ATG16L1: variants seen among roughly 807,000 people sequenced by gnomAD.
ATG16L1 encodes autophagy-related protein 16-1.
ATG16L1 carries 37 observed loss-of-function variants against 88.5 expected under a neutral mutation model. The observed-to-expected ratio is 0.42, with a 90% CI of 0.32 to 0.55. The LOEUF (loss-of-function observed/expected upper bound fraction) is 0.55, where lower values mean the gene tolerates loss of function less well. Ranked by LOEUF, ATG16L1 falls within the 20% of genes least tolerant of loss-of-function variation. The probability of loss-of-function intolerance (pLI) is 0.13; values close to 1 mark genes in which losing one functional copy is unlikely to be tolerated. For synonymous variants in ATG16L1, 301 were observed against 281.0 expected (o/e 1.07, Z -0.71); for missense variants, 554 against 752.8 (o/e 0.74, Z 3.09).
At chr2:233,273,229 ATG>A in intron 7 of ATG16L1, 177 bp downstream of exon 7, 1 of 585,758 alleles carries the variant, frequency 1.7e-6, no homozygotes, top group Non-Finnish European at 3.1e-6. Context: ...CCTCTGCTTA[ATG>A]GGAGGGAAGC....
chr2:233,274,832 G>C, intron 9 of ATG16L1, 54 bp downstream of exon 9: 1 of 1,322,858 alleles, frequency 7.6e-7, no homozygotes. Flanking sequence ...GACAGAGCCT[G>C]GCAATTAAAG....
rs545131813 is a variant in ATG16L1 at position 233,255,096 on chromosome 2, C to T, written c.116-1006C>T. Among the ~76,000 whole-genome samples the T allele has an allele frequency of 3.3e-5, 5 of 152,274 alleles. No individual in the cohort carries two copies. In the East Asian group the frequency reaches 9.6e-4, roughly 29 times the overall value. ...TCAAGCGATTCTTGTGCCTCAGTCT[C>T]CCTAGTAGCTGGGACTGTGGGCAAG... On this transcript the variant is annotated intron_variant, in intron 1 of 17. Coordinates refer to ENST00000392017, the MANE Select transcript of ATG16L1 (RefSeq NM_030803.7).
chr2:233,290,460 C>T (rs961045103), intron 14 of ATG16L1, 107 bp downstream of exon 14: 47 of 877,058 alleles, frequency 5.4e-5, no homozygotes, highest in Non-Finnish European at 8.4e-5. Flanking sequence ...AAATGAGTTT[C>T]GGTACACGTA....
At chr2:233,259,364 C>T (rs907085648) in intron 2 of ATG16L1, among the ~76,000 whole-genome samples, 3 of 152,156 alleles carry the variant, frequency 2.0e-5, no homozygotes, top group Admixed American at 1.3e-4. Flanking sequence ...AAAAGATCAC[C>T]TCTTGGGCAT....
intron 12 of ATG16L1, among the ~76,000 whole-genome samples, chr2:233,285,412 G>C (rs1452182281): frequency 6.6e-6 from 1 of 152,214 alleles, no homozygotes; most frequent in Non-Finnish European, 1.5e-5. Context: ...CTAGAGCAGG[G>C]AGCTAGACTG....
intron 1 of ATG16L1, among the ~76,000 whole-genome samples, chr2:233,253,667 G>T (rs1380538917): frequency 6.6e-6 from 1 of 152,066 alleles, no homozygotes; most frequent in Non-Finnish European, 1.5e-5. Flanking sequence ...TTGAACTTAG[G>T]CTTGATGACT....
In ATG16L1 at chr2:233,294,461, A is replaced by G. The variant is rs527827848; in HGVS notation, c.*111A>G. The stretch of plus-strand genomic sequence containing the variant: ...GCTGGGTATAGCATGGACCTCCCAG[A>G]GAAGCTCAAGCTATGTGGCACTGTA... On this transcript the variant is annotated 3_prime_UTR_variant, in exon 18 of 18. Coordinates refer to ENST00000392017, the MANE Select transcript of ATG16L1 (RefSeq NM_030803.7). The G allele has an allele frequency of 6.2e-5, 46 of 746,562 alleles. No homozygotes were observed. The African/African-American group carries it at 7.7e-4, about 12-fold the overall frequency. 46.2% of individuals were successfully genotyped at this position (746,562 alleles called of 1,614,324 possible). A position where few individuals can be genotyped will look rare whatever the true frequency, so the allele number is the denominator to read the frequency against.
At chr2:233,287,346 G>T (rs1027318977) in intron 12 of ATG16L1, among the ~76,000 whole-genome samples, 2 of 152,146 alleles carry the variant, frequency 1.3e-5, no homozygotes, top group Admixed American at 1.3e-4. Context: ...TTCCTGTGAA[G>T]TATGTAAAAA....
At chr2:233,264,153 A>C in intron 4 of ATG16L1, 88 bp downstream of exon 4, 3 of 1,306,088 alleles carry the variant, frequency 2.3e-6, no homozygotes, top group Non-Finnish European at 2.2e-6. Context: ...GGCCAGTGGC[A>C]GTGAGTGGCC....
chr2:233,276,144 C>T, intron 9 of ATG16L1: 3 of 361,424 alleles, frequency 8.3e-6, no homozygotes, highest in South Asian at 4.2e-5. Flanking sequence ...GCCTGTTGCC[C>T]AGCCTGTTAA....
chr2:233,255,963 C>G (rs996189573), intron 1 of ATG16L1, 139 bp from the exon 2 acceptor site: 1 of 641,306 alleles, frequency 1.6e-6, no homozygotes, highest in Admixed American at 3.2e-5. Flanking sequence ...GACATTCTTG[C>G]AGGTGATTCT....
Position 233,277,509 on chromosome 2 carries a change from G to A in ATG16L1, c.955-59G>A, listed in dbSNP as rs542817174. The A allele has an allele frequency of 2.4e-5, 36 of 1,488,930 alleles. No homozygotes were observed. The South Asian group carries it at 3.1e-4, about 13-fold the overall frequency. 92.2% of individuals were successfully genotyped at this position (1,488,930 alleles called of 1,614,324 possible). On this transcript the variant is annotated intron_variant, in intron 9 of 17. Transcript: ENST00000392017. The stretch of plus-strand genomic sequence containing the variant: ...TGAATTAGGCATTTGGAGTGTTCGC[G>A]CATCTTGAGCTCTTGGGATGAGAAT...
At chr2:233,290,198 C>A in intron 13 of ATG16L1, 50 bp from the exon 14 acceptor site, 1 of 1,584,444 alleles carries the variant, frequency 6.3e-7, no homozygotes, top group Non-Finnish European at 8.7e-7. Flanking sequence ...ATTATGTAAA[C>A]AGCCACGTTG....
chr2:233,275,540 G>A, intron 9 of ATG16L1: 1 of 354,792 alleles, frequency 2.8e-6, no homozygotes, highest in South Asian at 2.1e-5. Context: ...TATATGGTGG[G>A]AGCTTTGGGT....
Position 233,274,677 on chromosome 2 carries a change from A to G in ATG16L1, c.853A>G (p.Arg285Gly). 1 of 1,602,290 alleles carries G rather than the reference A, an allele frequency of 6.2e-7. No individual in the cohort carries two copies. Among genetic ancestry groups the G allele is most frequent in the South Asian group, 1.1e-5 (1 of 90,712 alleles). ...ATTTGTCTTTATGTTATTTCTTAGG[A>G]GACGCTCTGTCTCTTCCTTCCCAGT... is the stretch of plus-strand genomic sequence containing the variant. ...LLDSITNIFGRRSVSSFPVPQ... is the reference protein window; with the variant it reads ...LLDSITNIFGGRSVSSFPVPQ... The change falls in exon 9 of 18, where the codon AGA (arginine) becomes GGA (glycine). Residue 285 changes from arginine to glycine, a missense_variant and splice_region_variant. This residue lies in a region of ATG16L1 where 370 missense variants were observed against 509.7 expected (regional missense o/e 0.73). Coordinates refer to ENST00000392017, the MANE Select transcript of ATG16L1 (RefSeq NM_030803.7).
rs1699687029 is a variant in ATG16L1, at chr2:233,294,614, C to T, written c.*264C>T. 1.6e-5 allele frequency: 5 copies of T among 315,686 alleles called. No individual in the cohort carries two copies. Among genetic ancestry groups the T allele is most frequent in the Non-Finnish European group, 2.4e-5 (4 of 168,632 alleles). 19.6% of individuals were successfully genotyped at this position (315,686 alleles called of 1,614,324 possible). ...CAGGTTCTTGCCTTGGGAAACACTA[C>T]TAGCTCTGACCTTCCATACCTCACT... On this transcript the variant is annotated 3_prime_UTR_variant, in exon 18 of 18. Transcript: ENST00000392017.
intron 1 of ATG16L1, 80 bp from the exon 2 acceptor site, chr2:233,256,022 A>G (rs1327230247): frequency 7.8e-6 from 9 of 1,147,154 alleles, no homozygotes; most frequent in East Asian, 2.4e-5. Flanking sequence ...GCATCCTTCA[A>G]TACATGACAA....
At chr2:233,278,947 A>C (rs1274247926) in intron 10 of ATG16L1, among the ~76,000 whole-genome samples, 1 of 152,186 alleles carries the variant, frequency 6.6e-6, no homozygotes. Flanking sequence ...GGCTGGGGCA[A>C]GAGGATTGCT....
chr2:233,267,637 T>A (rs1465046220), intron 5 of ATG16L1, among the ~76,000 whole-genome samples: 1 of 152,278 alleles, frequency 6.6e-6, no homozygotes, highest in Non-Finnish European at 1.5e-5. Context: ...ACATTTACTT[T>A]AAGCAGAATT....
Sources: allele counts gnomAD v4.1 joint callset (sites outside exome capture counted in the v4.1 genomes callset), GRCh38; gene constraint gnomAD v4.1.1; regional missense constraint gnomAD v4.1.1; transcripts MANE v1.5; gene names NCBI Gene and HGNC (gene_info 2026-07-23, HGNC 2026-07-21).